The following FAM81A variants were observed in gnomAD, a reference collection of about 807,000 sequenced individuals.
FAM81A encodes the protein family with sequence similarity 81 member A, also known as protein FAM81A.
A neutral mutation model predicts 46.7 loss-of-function variants in FAM81A; 19 were observed. The observed-to-expected ratio is 0.41, with a 90% CI of 0.28 to 0.60. The LOEUF (loss-of-function observed/expected upper bound fraction) is 0.60. Among genes scored for constraint, FAM81A ranks in the 20% least tolerant of loss-of-function variants. The pLI is 0.34. For synonymous variants in FAM81A, 183 were observed against 152.9 expected, an observed-to-expected ratio of 1.20 and a Z score of -1.45; for missense variants, 377 against 453.5, an observed-to-expected ratio of 0.83 and a Z score of 1.53.
At chr15:59,447,907 G>A (rs2081369843) in intron 1 of FAM81A, among the ~76,000 whole-genome samples, 1 of 152,154 alleles carries the variant, frequency 6.6e-6, no homozygotes, top group African/African-American at 2.4e-5. Flanking sequence ...TGGTGGCCTG[G>A]GCACTCAGCA....
rs762099996 is a variant in FAM81A at position 59,521,301 on chromosome 15, G to T, written c.1030G>T (p.Glu344Ter). ...CATAGGATCCCTCAGGCAAGTTCTC[G>T]AGGCCAAGATGAAGCTGGACAGGGA... ...ESIGSLRQVL[E>*]AKMKLDRDQL... The change falls in exon 9 of 9, where the codon GAG (glutamate) becomes TAG (stop). Residue 344 changes from glutamate (E) to a stop codon, truncating the protein, a stop_gained. Transcript: ENST00000288228. LOFTEE classifies it high-confidence loss of function. 1 of 1,613,784 alleles carries T rather than the reference G, an allele frequency of 6.2e-7. No individual in the cohort carries two copies.
intron 2 of FAM81A, among the ~76,000 whole-genome samples, chr15:59,417,277 C>T (rs1157166544): frequency 2.6e-5 from 4 of 152,066 alleles, no homozygotes; most frequent in African/African-American, 9.7e-5. Context: ...GGTCACATGC[C>T]GTACCACCCT....
intron 3 of FAM81A, among the ~76,000 whole-genome samples, chr15:59,464,325 T>C (rs1247942610): frequency 6.6e-6 from 1 of 152,236 alleles, no homozygotes; most frequent in Non-Finnish European, 1.5e-5. Context: ...TTCCTTTGGA[T>C]AAATTCCCAG....
intron 2 of FAM81A, among the ~76,000 whole-genome samples, chr15:59,427,401 A>G (rs893056185): frequency 6.6e-6 from 1 of 152,154 alleles, no homozygotes; most frequent in Non-Finnish European, 1.5e-5. Flanking sequence ...TTGAGCCACC[A>G]TGCCTCGCCT....
chr15:59,460,082 A>G lies in FAM81A; in HGVS notation c.170A>G (p.Asp57Gly). ...LVEHAFRIKDDIVNSLQKMQN... is the reference protein window; with the variant it reads ...LVEHAFRIKDGIVNSLQKMQN... ...GAGCACGCCTTTCGGATTAAAGATG[A>G]CATTGTCAACAGTTTGCAGAAAATG... Residue 57 changes from aspartate to glycine, a missense_variant, in exon 3 of 9, where the codon GAC becomes GGC. Physicochemically the swap from Asp to Gly is moderately conservative, Grantham distance 94 (BLOSUM62 -1). Coordinates refer to ENST00000288228, the MANE Select transcript of FAM81A (RefSeq NM_152450.3). The surrounding 1 kb of genome is among the most constrained non-coding windows in gnomAD (Gnocchi z 4.4). 6.2e-7 allele frequency: 1 copy of G among 1,614,008 alleles called. No homozygotes were observed.
intron 2 of FAM81A, among the ~76,000 whole-genome samples, chr15:59,422,242 G>T (rs866083935): frequency 6.6e-6 from 1 of 151,916 alleles, no homozygotes; most frequent in Middle Eastern, 3.2e-3. Context: ...AAAAGAATTA[G>T]CCAGGCATGG....
At chr15:59,454,066 G>A (rs114220297) in intron 1 of FAM81A, among the ~76,000 whole-genome samples, 6 of 152,228 alleles carry the variant, frequency 3.9e-5, no homozygotes, top group Admixed American at 3.3e-4. Flanking sequence ...GCTGTTGGAG[G>A]TGAGTTAGAG....
chr15:59,402,213 G>A lies in FAM81A; in HGVS notation c.-160-63G>A, dbSNP rs578079650. ...TGATCAGCCGTGGATAATGTTAGGA[G>A]GATGCCCTAGTTTTGGGGGTGGCTA... On this transcript the variant is annotated intron_variant, in intron 1 of 4. Coordinates refer to the FAM81A transcript ENST00000558348. The A allele has an allele frequency of 3.1e-4, 53 of 171,794 alleles. No homozygotes were observed. The Middle Eastern group carries it at 8.4e-3, about 27-fold the overall frequency. 10.6% of individuals were successfully genotyped at this position (171,794 alleles called of 1,614,324 possible).
intron 7 of FAM81A, among the ~76,000 whole-genome samples, chr15:59,515,629 T>A (rs1160539150): frequency 6.6e-6 from 1 of 152,188 alleles, no homozygotes; most frequent in African/African-American, 2.4e-5. Flanking sequence ...GACTTAATTT[T>A]CATATATGAT....
chr15:59,461,306 TTTTGTTTG>T (rs1173747796), intron 3 of FAM81A, among the ~76,000 whole-genome samples: 42 of 152,038 alleles, frequency 2.8e-4, no homozygotes, highest in African/African-American at 4.3e-4. Context: ...TTTTCTTTCT[TTTTGTTTG>T]TTTGTTTGTT....
At chr15:59,502,485 C>CTCTGTGTG (rs2082103021) in intron 4 of FAM81A, among the ~76,000 whole-genome samples, 3 of 138,206 alleles carry the variant, frequency 2.2e-5, no homozygotes, top group African/African-American at 8.1e-5. Flanking sequence ...GTTGACTTCA[C>CTCTGTGTG]TGTGTGTGTG....
At chr15:59,435,867 A>C (rs571234430), upstream of FAM81A, among the ~76,000 whole-genome samples, 5 of 152,334 alleles carry the variant, frequency 3.3e-5, no homozygotes, top group South Asian at 1.0e-3. Context: ...GTGATTCTGG[A>C]AAAAATGGAT....
chr15:59,440,600 A>G (rs2081286849), intron 1 of FAM81A, among the ~76,000 whole-genome samples: 1 of 152,156 alleles, frequency 6.6e-6, no homozygotes, highest in Non-Finnish European at 1.5e-5. Context: ...TTCAACTAAC[A>G]TCTTGGACTT....
At chr15:59,511,311 G>GT (rs1792243016) in intron 6 of FAM81A, among the ~76,000 whole-genome samples, 2 of 152,112 alleles carry the variant, frequency 1.3e-5, no homozygotes, top group African/African-American at 4.8e-5. Context: ...ATTCTTAGGA[G>GT]TTTTTCAGGA....
chr15:59,432,746 A>G (rs1255612647), intron 2 of FAM81A, among the ~76,000 whole-genome samples: 2 of 152,220 alleles, frequency 1.3e-5, no homozygotes, highest in African/African-American at 4.8e-5. Context: ...TGATTGCAAC[A>G]GGGCCAGGGC....
chr15:59,492,774 G>A (rs1181952627), intron 4 of FAM81A, among the ~76,000 whole-genome samples: 5 of 152,110 alleles, frequency 3.3e-5, no homozygotes, highest in Admixed American at 1.3e-4. Context: ...GTATTGGTCT[G>A]GGAAAGATTG....
chr15:59,417,893 G>C (rs1388058823), intron 2 of FAM81A, among the ~76,000 whole-genome samples: 3 of 151,864 alleles, frequency 2.0e-5, no homozygotes, highest in African/African-American at 4.8e-5. Flanking sequence ...TTTACATTAG[G>C]TTTATCTCCT....
intron 2 of FAM81A, among the ~76,000 whole-genome samples, chr15:59,413,121 C>G (rs987047824): frequency 6.6e-6 from 1 of 151,954 alleles, no homozygotes; most frequent in Non-Finnish European, 1.5e-5. Flanking sequence ...AGGTCAGTCA[C>G]GTGGCAAAGG....
At chr15:59,500,999 T>C (rs1186567557) in intron 4 of FAM81A, among the ~76,000 whole-genome samples, 1 of 152,212 alleles carries the variant, frequency 6.6e-6, no homozygotes, top group African/African-American at 2.4e-5. Flanking sequence ...ATCTGACATC[T>C]ATGTCCTCTT....
Sources: gnomAD v4.1 joint callset for allele counts (sites outside exome capture counted in the v4.1 genomes callset) on GRCh38, gnomAD v4.1.1 for gene constraint, Gnocchi (gnomAD v3.1) non-coding constraint, MANE v1.5 for transcripts, NCBI Gene and HGNC (gene_info 2026-07-23, HGNC 2026-07-21) for gene names.